Variants in CMIP observed in about 807,000 individuals in gnomAD.
CMIP encodes C-Maf-inducing protein.
Under a neutral mutation model 97.3 loss-of-function variants are expected in CMIP, and 13 were observed. That is an observed-to-expected ratio of 0.13 (90% CI 0.09 to 0.21). The LOEUF (loss-of-function observed/expected upper bound fraction) is 0.21. Ranked by LOEUF, CMIP falls within the 10% of genes least tolerant of loss-of-function variation. The pLI is 1.00. For synonymous variants in CMIP, 538 were observed against 436.3 expected (o/e 1.23, Z -2.91); for missense variants, 847 against 1,024.9 (o/e 0.83, Z 2.37).
rs147444704 is a variant in CMIP at position 81,458,765 on chromosome 16, C to T, written c.300+13224C>T. Among the ~76,000 whole-genome samples the T allele has an allele frequency of 7.2e-5, 11 of 152,226 alleles. No individual in the cohort carries two copies. In the East Asian group the frequency reaches 1.3e-3, roughly 19 times the overall value. On this transcript the variant is annotated intron_variant, in intron 1 of 20. Transcript: ENST00000537098. ...GACATTTCATATGAGGCCATTTAAC[C>T]AGTGGTGTGATCCAGCTCTCAGTTT...
At chr16:81,660,156 T>G (rs558363465) in intron 5 of CMIP, among the ~76,000 whole-genome samples, 59 of 152,298 alleles carry the variant, frequency 3.9e-4, no homozygotes, top group South Asian at 1.9e-3. Flanking sequence ...GTGAAGAACA[T>G]GAGCTGAATC....
chr16:81,607,451 C>T, intron 1 of CMIP, 116 bp from the exon 2 acceptor site: 2 of 1,343,554 alleles, frequency 1.5e-6, no homozygotes, highest in East Asian at 2.3e-5. Context: ...AGCTCCTGCA[C>T]CAGCTCCATT....
intron 1 of CMIP, chr16:81,520,115 G>A (rs2150804482): frequency 6.6e-6 from 1 of 152,324 alleles, no homozygotes; most frequent in East Asian, 1.9e-4. Flanking sequence ...TTAGCAGGTG[G>A]GGCCTAAGAT....
At chr16:81,464,499 T>C (rs951145538) in intron 1 of CMIP, 4 of 66,732 alleles carry the variant, frequency 6.0e-5, no homozygotes, top group African/African-American at 5.0e-4. Flanking sequence ...GAAGGTCTCA[T>C]TCATTCATTC....
chr16:81,499,179 G>A (rs1239416323), intron 1 of CMIP, among the ~76,000 whole-genome samples: 2 of 152,076 alleles, frequency 1.3e-5, no homozygotes, highest in Admixed American at 1.3e-4. Context: ...GTGTGTGCAT[G>A]CATGCACCAT....
intron 1 of CMIP, among the ~76,000 whole-genome samples, chr16:81,474,103 G>T (rs995930028): frequency 1.3e-5 from 2 of 152,022 alleles, no homozygotes; most frequent in African/African-American, 4.8e-5. Flanking sequence ...ATGTTCCTGT[G>T]TGGCCACCCC....
intron 1 of CMIP, chr16:81,495,203 C>T: frequency 1.2e-6 from 1 of 825,366 alleles, no homozygotes; most frequent in Non-Finnish European, 1.7e-6. Flanking sequence ...TCATCATCAT[C>T]ATTACTGTAG....
intron 1 of CMIP, chr16:81,519,426 C>G (rs2089978210): frequency 6.6e-6 from 1 of 152,280 alleles, no homozygotes; most frequent in Non-Finnish European, 1.5e-5. Context: ...CCCCTTAACT[C>G]AGAACTCCGT....
At chr16:81,541,293 G>T (rs1387401462) in intron 1 of CMIP, among the ~76,000 whole-genome samples, 1 of 152,128 alleles carries the variant, frequency 6.6e-6, no homozygotes. Context: ...AAACATAAAA[G>T]GAATCCTGTC....
At chr16:81,482,907 T>G (rs2089249007) in intron 1 of CMIP, among the ~76,000 whole-genome samples, 1 of 152,240 alleles carries the variant, frequency 6.6e-6, no homozygotes, top group Non-Finnish European at 1.5e-5. Flanking sequence ...CAGGCATGCC[T>G]GCTTGCTCGT....
chr16:81,544,630 A>G (rs566870921), intron 1 of CMIP, among the ~76,000 whole-genome samples: 44 of 150,176 alleles, frequency 2.9e-4, no homozygotes, highest in African/African-American at 1.0e-3. Flanking sequence ...GCATGTGTGC[A>G]TGTGTGTGTG....
rs542393014 is a variant in CMIP at position 81,640,868 on chromosome 16, G to A, written c.478-11335G>A. On this transcript the variant is annotated intron_variant, in intron 3 of 20. Transcript: ENST00000537098. ...ATGACCTCATCTTAATTATATCTGC[G>A]AAGACCCCATTTCCAAAGAAGGTCA... Among the ~76,000 whole-genome samples the A allele has an allele frequency of 5.3e-5, 8 of 151,998 alleles. No individual in the cohort carries two copies. In the South Asian group the frequency reaches 8.3e-4, roughly 16 times the overall value.
chr16:81,570,095 G>C (rs924301127), intron 1 of CMIP, among the ~76,000 whole-genome samples: 1 of 152,144 alleles, frequency 6.6e-6, no homozygotes. Flanking sequence ...GGGGAAGGGG[G>C]ATGGCCTCAC....
intron 1 of CMIP, among the ~76,000 whole-genome samples, chr16:81,547,790 G>T (rs2090575758): frequency 6.6e-6 from 1 of 152,336 alleles, no homozygotes; most frequent in South Asian, 2.1e-4. Context: ...TTGTGGGGCA[G>T]TGAGGGGGAA....
chr16:81,652,961 C>G lies in CMIP; in HGVS notation c.639+597C>G, dbSNP rs185571512. 6.6e-6 allele frequency among the ~76,000 whole-genome samples: 1 copy of G among 152,100 alleles called. No individual in the cohort carries two copies. ...CTGGGAATTCAAGCAAAGACAAGCC[C>G]CCTACCCCCCTGGAGCTTGTGTCCC... On this transcript the variant is annotated intron_variant, in intron 4 of 20. Transcript: ENST00000537098. This position sits in a 1 kb window ranked among gnomAD's most constrained non-coding sequence, Gnocchi z 5.2.
chr16:81,498,876 T>A (rs2089543835), intron 1 of CMIP, among the ~76,000 whole-genome samples: 1 of 152,214 alleles, frequency 6.6e-6, no homozygotes, highest in South Asian at 2.1e-4. Flanking sequence ...TCTCCATACA[T>A]ACAGGTTCCC....
intron 1 of CMIP, among the ~76,000 whole-genome samples, chr16:81,562,651 C>G (rs1345796187): frequency 1.3e-5 from 2 of 152,268 alleles, no homozygotes; most frequent in Non-Finnish European, 2.9e-5. Flanking sequence ...GTGCATTACA[C>G]ATTTCTCCTG....
chr16:81,614,979 G>A lies in CMIP; in HGVS notation c.427-5897G>A, dbSNP rs564666061. Reference sequence around the variant, plus strand: ...TGTGGTGTGTTGTGTGATATGTGACGTGTGTGTGTGGTGTATGTGTCTATA... The same window carrying A: ...TGTGGTGTGTTGTGTGATATGTGACATGTGTGTGTGGTGTATGTGTCTATA... On this transcript the variant is annotated intron_variant, in intron 2 of 20. Coordinates refer to ENST00000537098, the MANE Select transcript of CMIP (RefSeq NM_198390.3). The surrounding 1 kb of genome is among the most constrained non-coding windows in gnomAD (Gnocchi z 5.3). Among the ~76,000 whole-genome samples, 9 of 150,824 alleles carry A rather than the reference G, an allele frequency of 6.0e-5. No homozygotes were observed. The highest frequency in any genetic ancestry group is 9.7e-5 in the African/African-American group (4 of 41,062).
intron 3 of CMIP, among the ~76,000 whole-genome samples, chr16:81,640,572 C>A (rs2092292447): frequency 6.6e-6 from 1 of 152,164 alleles, no homozygotes; most frequent in African/African-American, 2.4e-5. Context: ...TCACACAATT[C>A]TGGGGCCAGA....
Sources: gnomAD v4.1 joint callset for allele counts (sites outside exome capture counted in the v4.1 genomes callset) on GRCh38, gnomAD v4.1.1 for gene constraint, Gnocchi (gnomAD v3.1) non-coding constraint, MANE v1.5 for transcripts, NCBI Gene and HGNC (gene_info 2026-07-23, HGNC 2026-07-21) for gene names.